The following LRRTM4 variants were observed in gnomAD, a reference collection of about 807,000 sequenced individuals.
LRRTM4 encodes leucine-rich repeat transmembrane neuronal protein 4.
LRRTM4 carries 25 observed loss-of-function variants against 47.6 expected under a neutral mutation model. That is an observed-to-expected ratio of 0.53 (90% CI 0.38 to 0.73). The LOEUF (loss-of-function observed/expected upper bound fraction) is 0.73. Ranked by LOEUF, LRRTM4 falls within the 30% of genes least tolerant of loss-of-function variation. The pLI, the probability that LRRTM4 is intolerant of heterozygous loss-of-function variation, is 0.00. For synonymous variants in LRRTM4, 311 were observed against 269.5 expected (o/e 1.15, Z -1.51); for missense variants, 638 against 713.4 (o/e 0.89, Z 1.20).
intron 3 of LRRTM4, among the ~76,000 whole-genome samples, chr2:76,806,614 T>C (rs1256412274): frequency 6.6e-6 from 1 of 151,948 alleles, no homozygotes; most frequent in African/African-American, 2.4e-5. Flanking sequence ...AAAAAACATA[T>C]TTATAAATGA....
intron 3 of LRRTM4, among the ~76,000 whole-genome samples, chr2:77,457,042 ATATAT>A (rs1676586628): frequency 4.4e-5 from 1 of 22,928 alleles, no homozygotes; most frequent in Non-Finnish European, 9.9e-5. Context: ...ATATATATAT[ATATAT>A]ATATGTATAA....
chr2:77,073,587 AGTCT>A (rs1458517246), intron 3 of LRRTM4, among the ~76,000 whole-genome samples: 5 of 152,138 alleles, frequency 3.3e-5, no homozygotes, highest in African/African-American at 7.2e-5. Context: ...AATGTGCAAC[AGTCT>A]TTCTACACCA....
At chr2:77,084,826 G>A (rs1425251502) in intron 3 of LRRTM4, among the ~76,000 whole-genome samples, 1 of 152,162 alleles carries the variant, frequency 6.6e-6, no homozygotes, top group Non-Finnish European at 1.5e-5. Flanking sequence ...ACATTTATAA[G>A]TGGTAACAAT....
chr2:77,351,614 T>TATATATATATATATATATATA (rs759991486), intron 3 of LRRTM4, among the ~76,000 whole-genome samples: 1 of 135,398 alleles, frequency 7.4e-6, no homozygotes, highest in Non-Finnish European at 1.6e-5. Context: ...CATGACAAAT[T>TATATATATATATATATATATA]TATATATATA....
chr2:76,900,679 C>A (rs180755740), intron 3 of LRRTM4, among the ~76,000 whole-genome samples: 19 of 151,888 alleles, frequency 1.3e-4, no homozygotes, highest in African/African-American at 2.2e-4. Context: ...TTTAAAGTAA[C>A]TGAAAAAAAT....
chr2:76,914,289 A>G (rs1674170466), intron 3 of LRRTM4, among the ~76,000 whole-genome samples: 1 of 152,024 alleles, frequency 6.6e-6, no homozygotes. Flanking sequence ...TGGCTATGTC[A>G]TTTTTAAATT....
chr2:77,206,625 C>A (rs1292583637), intron 3 of LRRTM4, among the ~76,000 whole-genome samples: 2 of 151,908 alleles, frequency 1.3e-5, no homozygotes, highest in African/African-American at 4.8e-5. Context: ...GCTGGGACTG[C>A]AGAGCACGCG....
At chr2:77,471,008 T>A (rs1377133729) in intron 3 of LRRTM4, among the ~76,000 whole-genome samples, 3 of 152,092 alleles carry the variant, frequency 2.0e-5, no homozygotes, top group African/African-American at 7.2e-5. Flanking sequence ...GTTTTAAACA[T>A]CCTCCATATG....
At chr2:76,912,615 T>C (rs893305859) in intron 3 of LRRTM4, among the ~76,000 whole-genome samples, 4 of 152,328 alleles carry the variant, frequency 2.6e-5, no homozygotes, top group East Asian at 3.9e-4. Flanking sequence ...TAGGGCCTGA[T>C]ATGGTTTGGA....
At chr2:76,998,215 G>C (rs2028914) in intron 3 of LRRTM4, among the ~76,000 whole-genome samples, 2,176 of 152,126 alleles carry the variant, frequency 0.014, 53 homozygotes, top group East Asian at 0.081. Context: ...GGGGACTGCT[G>C]ATCTATGGAG....
chr2:77,046,033 T>C (rs1326994505), intron 3 of LRRTM4, among the ~76,000 whole-genome samples: 1 of 152,008 alleles, frequency 6.6e-6, no homozygotes, highest in Non-Finnish European at 1.5e-5. Context: ...CCAAATTCAC[T>C]GTCTTAAAGA....
intron 3 of LRRTM4, among the ~76,000 whole-genome samples, chr2:77,058,372 G>A (rs958458450): frequency 6.6e-6 from 1 of 152,130 alleles, no homozygotes; most frequent in Admixed American, 6.6e-5. Context: ...GTCTACTGGC[G>A]AATTGGGGAG....
At chr2:77,419,888 A>G (rs559847886) in intron 3 of LRRTM4, among the ~76,000 whole-genome samples, 2 of 152,312 alleles carry the variant, frequency 1.3e-5, no homozygotes, top group South Asian at 4.1e-4. Context: ...GTAATCATAG[A>G]AGAAACATGA....
At chr2:76,773,391 C>G (rs564281747) in intron 3 of LRRTM4, among the ~76,000 whole-genome samples, 1 of 152,144 alleles carries the variant, frequency 6.6e-6, no homozygotes, top group South Asian at 2.1e-4. Flanking sequence ...TAAATAAACT[C>G]TTTCTTGCCA....
At chr2:76,921,908 C>G (rs1674444586) in intron 3 of LRRTM4, among the ~76,000 whole-genome samples, 1 of 151,922 alleles carries the variant, frequency 6.6e-6, no homozygotes. Context: ...GTGTGTATAT[C>G]CAAGGAAATA....
chr2:77,303,465 T>C (rs1248587581), intron 3 of LRRTM4, among the ~76,000 whole-genome samples: 1 of 152,178 alleles, frequency 6.6e-6, no homozygotes, highest in Non-Finnish European at 1.5e-5. Flanking sequence ...GGAAAACTAA[T>C]AAATTAGAAC....
chr2:77,238,125 A>C (rs1675156719), intron 3 of LRRTM4, among the ~76,000 whole-genome samples: 1 of 152,152 alleles, frequency 6.6e-6, no homozygotes, highest in Non-Finnish European at 1.5e-5. Flanking sequence ...TTTAAAATAA[A>C]AAATAAGTTG....
chr2:77,112,787 G>A (rs1367871295), intron 3 of LRRTM4, among the ~76,000 whole-genome samples: 3 of 152,050 alleles, frequency 2.0e-5, no homozygotes, highest in Non-Finnish European at 4.4e-5. Flanking sequence ...CCCACAGAAC[G>A]GCTTTGTGGG....
chr2:77,224,560 C>T (rs192445448), intron 3 of LRRTM4, among the ~76,000 whole-genome samples: 2 of 152,152 alleles, frequency 1.3e-5, no homozygotes, highest in African/African-American at 4.8e-5. Context: ...AGGATAAGAA[C>T]AGACATTTCT....
Sources: gnomAD v4.1 joint callset for allele counts (sites outside exome capture counted in the v4.1 genomes callset) on GRCh38, gnomAD v4.1.1 for gene constraint, MANE v1.5 for transcripts, NCBI Gene and HGNC (gene_info 2026-07-23, HGNC 2026-07-21) for gene names.